Variants in ALX4 observed in about 807,000 individuals in gnomAD.
ALX4 encodes the protein homeobox protein aristaless-like 4.
Under a neutral mutation model 40.6 loss-of-function variants are expected in ALX4, and 22 were observed. The ratio of observed to expected loss-of-function variants is 0.54; its 90% confidence interval spans 0.39 to 0.77. The LOEUF (loss-of-function observed/expected upper bound fraction) is 0.77, where lower values mean the gene tolerates loss of function less well. Ranked by LOEUF, ALX4 falls within the 30% of genes least tolerant of loss-of-function variation. ALX4 has a pLI of 0.00. For synonymous variants in ALX4, 266 were observed against 240.5 expected (o/e 1.11, Z -0.98); for missense variants, 556 against 564.8 (o/e 0.98, Z 0.16).
At chr11:44,304,033 A>G (rs1379773773) in intron 1 of ALX4, among the ~76,000 whole-genome samples, 1 of 152,206 alleles carries the variant, frequency 6.6e-6, no homozygotes, top group Non-Finnish European at 1.5e-5. Flanking sequence ...CTGGCTGGAA[A>G]GAGGTGCCTC....
chr11:44,286,688 G>A (rs572706299), intron 1 of ALX4, among the ~76,000 whole-genome samples: 42 of 152,298 alleles, frequency 2.8e-4, no homozygotes, highest in Non-Finnish European at 2.8e-4. Context: ...TGGATGGGGC[G>A]GGTCGCTGGC....
chr11:44,269,267 C>A (rs1956231260), intron 2 of ALX4, among the ~76,000 whole-genome samples: 1 of 152,234 alleles, frequency 6.6e-6, no homozygotes, highest in Admixed American at 6.5e-5. Context: ...GCGAATGGTA[C>A]CTCATAGTCG....
chr11:44,302,437 C>T (rs1956440028), intron 1 of ALX4, among the ~76,000 whole-genome samples: 1 of 152,202 alleles, frequency 6.6e-6, no homozygotes, highest in African/African-American at 2.4e-5. Flanking sequence ...CAGGAGACAC[C>T]AGTTCTTCAT....
chr11:44,291,640 A>G (rs1258232156), intron 1 of ALX4, among the ~76,000 whole-genome samples: 2 of 151,996 alleles, frequency 1.3e-5, no homozygotes, highest in African/African-American at 4.8e-5. Context: ...TCATGAGCTC[A>G]AGCAATCCGC....
chr11:44,271,503 CAG>C (rs1453657733), intron 2 of ALX4, among the ~76,000 whole-genome samples: 6 of 152,194 alleles, frequency 3.9e-5, no homozygotes, highest in Admixed American at 1.3e-4. Context: ...TGCAGCACGT[CAG>C]AGTTTCCCTT....
intron 1 of ALX4, among the ~76,000 whole-genome samples, chr11:44,294,384 C>G (rs1023132893): frequency 2.0e-5 from 3 of 152,212 alleles, no homozygotes; most frequent in Admixed American, 6.5e-5. Context: ...GAGAGGAACA[C>G]AGCAGAACCC....
In ALX4 at chr11:44,263,406, GC is replaced by G. The variant is rs1345140702; in HGVS notation, c.*1447del. The G allele has an allele frequency of 6.6e-6, 1 of 152,296 alleles. No individual in the cohort carries two copies. 9.4% of individuals were successfully genotyped at this position (152,296 alleles called of 1,614,324 possible). On this transcript the variant is annotated 3_prime_UTR_variant, in exon 4 of 4. Coordinates refer to ENST00000652299, the MANE Select transcript of ALX4 (RefSeq NM_021926.4). ...CAGGGGTCGGGCAGGCAGGCACAGA[GC>G]CCCGCTTCCTGGAGGCAGGAAGCCT...
At chr11:44,297,745 TAAAA>T in intron 1 of ALX4, among the ~76,000 whole-genome samples, 1 of 89,384 alleles carries the variant, frequency 1.1e-5, no homozygotes, top group Non-Finnish European at 2.5e-5. Flanking sequence ...TAAAATAAAA[TAAAA>T]AGCTCTCTTC....
intron 1 of ALX4, among the ~76,000 whole-genome samples, chr11:44,288,473 C>G (rs59443972): frequency 0.018 from 2,680 of 152,290 alleles, 81 homozygotes; most frequent in African/African-American, 0.061. Flanking sequence ...CTAGGAACCC[C>G]TCTTGTGAAG....
chr11:44,289,215 A>G (rs1476347271), intron 1 of ALX4, among the ~76,000 whole-genome samples: 2 of 152,228 alleles, frequency 1.3e-5, no homozygotes, highest in Non-Finnish European at 2.9e-5. Flanking sequence ...TTGCCAGTCA[A>G]GGAAGGCTCG....
At chr11:44,284,946 G>T (rs1242455287) in intron 1 of ALX4, among the ~76,000 whole-genome samples, 3 of 151,582 alleles carry the variant, frequency 2.0e-5, no homozygotes, top group Non-Finnish European at 4.4e-5. Context: ...CACACACAGA[G>T]AAAACATTAC....
intron 1 of ALX4, among the ~76,000 whole-genome samples, chr11:44,307,179 C>G (rs1956473889): frequency 6.8e-6 from 1 of 146,868 alleles, no homozygotes. Context: ...TTGGGAGGGG[C>G]AGGGGTAGCG....
At chr11:44,265,317 G>A in intron 3 of ALX4, 134 bp from the exon 4 acceptor site, 4 of 883,954 alleles carry the variant, frequency 4.5e-6, no homozygotes, top group Non-Finnish European at 6.8e-6. Context: ...GTTTAGCCTT[G>A]ATGGACATCC....
intron 1 of ALX4, among the ~76,000 whole-genome samples, chr11:44,306,196 G>T (rs1938610203): frequency 6.6e-6 from 1 of 152,234 alleles, no homozygotes; most frequent in South Asian, 2.1e-4. Context: ...CGCGGTCTCC[G>T]CACCCAAAGG....
chr11:44,289,753 G>A (rs1956358846), intron 1 of ALX4, among the ~76,000 whole-genome samples: 1 of 152,150 alleles, frequency 6.6e-6, no homozygotes, highest in South Asian at 2.1e-4. Flanking sequence ...CCTGGGGTGG[G>A]ATGGGTGTTC....
intron 1 of ALX4, among the ~76,000 whole-genome samples, chr11:44,306,161 C>T (rs1259220626): frequency 6.6e-6 from 1 of 152,248 alleles, no homozygotes; most frequent in Non-Finnish European, 1.5e-5. Flanking sequence ...CAGAAGAGGG[C>T]TCGGTGGGGG....
intron 1 of ALX4, among the ~76,000 whole-genome samples, chr11:44,293,537 G>A (rs999334611): frequency 8.4e-4 from 128 of 152,380 alleles, no homozygotes; most frequent in African/African-American, 3.1e-3. Flanking sequence ...TTGGCAGGAT[G>A]GATCCCCTGC....
chr11:44,266,198 C>T (rs1376428897), intron 3 of ALX4, among the ~76,000 whole-genome samples: 1 of 152,156 alleles, frequency 6.6e-6, no homozygotes, highest in African/African-American at 2.4e-5. Context: ...CAGAAGAGGT[C>T]TGAGCACACA....
At chr11:44,273,851 A>G (rs1194726171) in intron 2 of ALX4, among the ~76,000 whole-genome samples, 1 of 152,032 alleles carries the variant, frequency 6.6e-6, no homozygotes, top group African/African-American at 2.4e-5. Context: ...TACTCAGGAA[A>G]CTGAGGCGGG....
Sources: allele counts gnomAD v4.1 joint callset (sites outside exome capture counted in the v4.1 genomes callset), GRCh38; gene constraint gnomAD v4.1.1; transcripts MANE v1.5; gene names NCBI Gene and HGNC (gene_info 2026-07-23, HGNC 2026-07-21).